Variants in IGF2 observed in about 807,000 individuals in gnomAD.
IGF2 encodes insulin-like growth factor 2.
A neutral mutation model predicts 12.0 loss-of-function variants in IGF2; 2 were observed. The observed-to-expected ratio is 0.17, with a 90% CI of 0.07 to 0.52. The LOEUF (loss-of-function observed/expected upper bound fraction) is 0.52. IGF2 is among the 20% of genes least tolerant of loss of function. The probability of loss-of-function intolerance (pLI) is 0.95; values close to 1 mark genes in which losing one functional copy is unlikely to be tolerated. For synonymous variants in IGF2, 105 were observed against 110.1 expected, an observed-to-expected ratio of 0.95 and a Z score of 0.29; for missense variants, 211 against 268.0, an observed-to-expected ratio of 0.79 and a Z score of 1.48.
upstream of IGF2, chr11:2,140,889 C>G: frequency 2.7e-6 from 1 of 374,048 alleles, no homozygotes; most frequent in South Asian, 1.9e-5. Context: ...GCGGGCGCAC[C>G]AGGAGCTCAG....
At position 2,131,180 on chromosome 11, in the gene IGF2, C is replaced by A; in HGVS notation, c.*1807G>T. 1 of 233,286 alleles carries A rather than the reference C, an allele frequency of 4.3e-6. No homozygotes were observed. Among genetic ancestry groups the A allele is most frequent in the Non-Finnish European group, 8.5e-6 (1 of 118,058 alleles). 14.5% of individuals were successfully genotyped at this position (233,286 alleles called of 1,614,324 possible). On this transcript the variant is annotated 3_prime_UTR_variant, in exon 4 of 4. Transcript: ENST00000416167. ...TGGAAAGATGGAATTAGGCCTGGGA[C>A]ACACCCCGCCCACCCTACGGGTGTA...
the IGF2 span, chr11:2,147,357 G>C: frequency 2.6e-6 from 1 of 388,426 alleles, no homozygotes; most frequent in African/African-American, 2.1e-5. This position sits in a 1 kb window ranked among gnomAD's most constrained non-coding sequence, Gnocchi z 7.2. Flanking sequence ...GGAGACTGCG[G>C]GGAACCTGCT....
chr11:2,139,531 A>C (rs1859392340), upstream of IGF2: 2 of 125,988 alleles, frequency 1.6e-5, no homozygotes, highest in East Asian at 2.6e-4. Context: ...CCGCAACCCG[A>C]GCCAAGAGCG....
At position 2,132,845 on chromosome 11, in the gene IGF2, G is replaced by A. The variant is rs1156232849; in HGVS notation, c.*142C>T. The A allele has an allele frequency of 6.5e-6, 4 of 618,954 alleles. No homozygotes were observed. The highest frequency in any genetic ancestry group is 5.7e-5 in the East Asian group (2 of 34,862). The allele number at this position is 618,954 out of a possible 1,614,324, so 38.3% of individuals were successfully genotyped here. The stretch of plus-strand genomic sequence containing the variant: ...GGAGAGTAGCCTGTTTCGGGGAGGC[G>A]GGGCACGGGGACTGGGTCAGGAGAA... On this transcript the variant is annotated 3_prime_UTR_variant, in exon 4 of 4. Coordinates refer to ENST00000416167, the MANE Select transcript of IGF2 (RefSeq NM_000612.6).
upstream of IGF2, chr11:2,140,326 G>A (rs942704010): frequency 1.3e-6 from 2 of 1,597,108 alleles, no homozygotes; most frequent in Admixed American, 1.7e-5. Context: ...ATGTAAGAAA[G>A]CACTGTGATT....
At chr11:2,149,344 G>A in the IGF2 span, 1 of 1,610,684 alleles carries the variant, frequency 6.2e-7, no homozygotes, top group Non-Finnish European at 8.5e-7. Context: ...ACAAAGCTGA[G>A]GCTGGAGAAA....
Position 2,133,055 on chromosome 11 carries a change from T to G in IGF2, c.475A>C (p.Ile159Leu), listed in dbSNP as rs1407468267. ...GCGGGGTCTTGGGTGGGTAGAGCAA[T>G]CAGGGGACGGTGACGTTTGGCCTCC... The part of the protein sequence containing the change: ...FREAKRHRPL[I>L]ALPTQDPAHG... Residue 159 changes from isoleucine to leucine, a missense_variant, in exon 4 of 4, where the codon ATT becomes CTT. Around this residue, in one of 3 missense-constraint regions of IGF2, gnomAD observed 141 missense variants for 153.1 expected, o/e 0.92. Coordinates refer to ENST00000416167, the MANE Select transcript of IGF2 (RefSeq NM_000612.6). The surrounding 1 kb of genome is among the most constrained non-coding windows in gnomAD (Gnocchi z 8.9). The G allele has an allele frequency of 6.2e-7, 1 of 1,602,734 alleles. No individual in the cohort carries two copies. Among genetic ancestry groups the G allele is most frequent in the Admixed American group, 1.7e-5 (1 of 58,648 alleles).
Position 2,139,039 on chromosome 11 carries a change from G to A in IGF2, c.-817C>T, listed in dbSNP as rs1859328351. 1.2e-6 allele frequency: 1 copy of A among 833,064 alleles called. No individual in the cohort carries two copies. 51.6% of individuals were successfully genotyped at this position (833,064 alleles called of 1,614,324 possible). A position where few individuals can be genotyped will look rare whatever the true frequency, so the allele number is the denominator to read the frequency against. On this transcript the variant is annotated 5_prime_UTR_variant, in exon 1 of 4. Coordinates refer to ENST00000416167, the MANE Select transcript of IGF2 (RefSeq NM_000612.6). ...GGGGAGCGGCCCGAGGCTGCGCGCC[G>A]GGGGGAGGGCTGGAGGGGGAGCGCG...
the IGF2 span, chr11:2,149,233 T>C: frequency 3.8e-5 from 61 of 1,613,452 alleles, no homozygotes; most frequent in East Asian, 1.4e-3. Context: ...TGGACGATGA[T>C]CCGCCGGCCT....
At chr11:2,136,591 C>T (rs1234746154) in intron 1 of IGF2, among the ~76,000 whole-genome samples, 1 of 152,264 alleles carries the variant, frequency 6.6e-6, no homozygotes, top group Non-Finnish European at 1.5e-5. Context: ...CCCCAGCCTT[C>T]GCTCCGCAGA....
chr11:2,139,041 G>C lies in IGF2; in HGVS notation c.-819C>G. On this transcript the variant is annotated 5_prime_UTR_variant, in exon 1 of 4. Coordinates refer to ENST00000416167, the MANE Select transcript of IGF2 (RefSeq NM_000612.6). ...GGAGCGGCCCGAGGCTGCGCGCCGG[G>C]GGGAGGGCTGGAGGGGGAGCGCGGG... 1 of 808,318 alleles carries C rather than the reference G, an allele frequency of 1.2e-6. No individual in the cohort carries two copies. The highest frequency in any genetic ancestry group is 2.0e-5 in the African/African-American group (1 of 49,478). The allele number at this position is 808,318 out of a possible 1,614,324, so 50.1% of individuals were successfully genotyped here.
upstream of IGF2, among the ~76,000 whole-genome samples, chr11:2,143,320 TC>T (rs1859710501): frequency 1.0e-5 from 1 of 98,386 alleles, no homozygotes; most frequent in Non-Finnish European, 1.8e-5. Context: ...ACAGCAAATG[TC>T]CCATGCTGAG....
upstream of IGF2, among the ~76,000 whole-genome samples, chr11:2,141,411 G>A (rs975953806): frequency 2.0e-5 from 3 of 152,180 alleles, no homozygotes; most frequent in Non-Finnish European, 4.4e-5. Context: ...ATAGATTACA[G>A]GTTTGGGGGA....
chr11:2,131,189 C>T lies in IGF2; in HGVS notation c.*1798G>A. ...GGAATTAGGCCTGGGACACACCCCG[C>T]CCACCCTACGGGTGTATCCCAAATG... is the stretch of plus-strand genomic sequence containing the variant. On this transcript the variant is annotated 3_prime_UTR_variant, in exon 4 of 4. Transcript: ENST00000416167. 4.3e-6 allele frequency: 1 copy of T among 233,316 alleles called. No homozygotes were observed. Among genetic ancestry groups the T allele is most frequent in the Non-Finnish European group, 8.5e-6 (1 of 118,074 alleles). 14.5% of individuals were successfully genotyped at this position (233,316 alleles called of 1,614,324 possible). A position where few individuals can be genotyped will look rare whatever the true frequency, so the allele number is the denominator to read the frequency against.
chr11:2,143,127 G>A (rs1859700035), upstream of IGF2, among the ~76,000 whole-genome samples: 1 of 152,170 alleles, frequency 6.6e-6, no homozygotes, highest in Non-Finnish European at 1.5e-5. Context: ...GGTCGTTTAT[G>A]ATTCAGAAAA....
At chr11:2,144,275 C>T (rs939050262), upstream of IGF2, among the ~76,000 whole-genome samples, 1 of 152,234 alleles carries the variant, frequency 6.6e-6, no homozygotes, top group South Asian at 2.1e-4. Flanking sequence ...CGCAGGCTCC[C>T]CCTCGCCACT....
upstream of IGF2, chr11:2,140,103 G>T (rs747126639): frequency 2.5e-6 from 4 of 1,605,628 alleles, no homozygotes; most frequent in Non-Finnish European, 3.4e-6. Context: ...GAGGAGAGAG[G>T]ATCAGGGCGG....
rs1263192362 is a variant in IGF2 at position 2,138,399 on chromosome 11, G to T, written c.-177C>A. 3.1e-5 allele frequency: 13 copies of T among 414,516 alleles called. No homozygotes were observed. The highest frequency in any genetic ancestry group is 3.8e-5 in the Non-Finnish European group (12 of 313,738). 25.7% of individuals were successfully genotyped at this position (414,516 alleles called of 1,614,324 possible). A position where few individuals can be genotyped will look rare whatever the true frequency, so the allele number is the denominator to read the frequency against. Reference sequence around the variant, plus strand: ...GGATGGCTTTTTTTTGGGGGGGGGGGGAGAATTCGTCTGATTGTCCAGGGA... The same window carrying T: ...GGATGGCTTTTTTTTGGGGGGGGGGTGAGAATTCGTCTGATTGTCCAGGGA... On this transcript the variant is annotated 5_prime_UTR_variant, in exon 1 of 4. Transcript: ENST00000416167.
In IGF2 at chr11:2,131,773, TG is replaced by T; in HGVS notation, c.*1213del. The T allele has an allele frequency of 5.2e-6, 1 of 191,466 alleles. No homozygotes were observed. The highest frequency in any genetic ancestry group is 1.0e-5 in the Non-Finnish European group (1 of 97,640). 11.9% of individuals were successfully genotyped at this position (191,466 alleles called of 1,614,324 possible). On this transcript the variant is annotated 3_prime_UTR_variant, in exon 4 of 4. Transcript: ENST00000416167. ...TGTGTGCATGTGTGTGCTGTGTCTT[TG>T]TGTGTGTGCTGTGTGCTAGTGTGTG...
Sources: allele counts gnomAD v4.1 joint callset (sites outside exome capture counted in the v4.1 genomes callset), GRCh38; gene constraint gnomAD v4.1.1; regional missense constraint gnomAD v4.1.1; non-coding constraint Gnocchi (gnomAD v3.1); transcripts MANE v1.5; gene names NCBI Gene and HGNC (gene_info 2026-07-23, HGNC 2026-07-21).